The following MED16 variants were observed in gnomAD, a reference collection of about 807,000 sequenced individuals.
MED16 encodes mediator of RNA polymerase II transcription subunit 16.
A neutral mutation model predicts 84.4 loss-of-function variants in MED16; 81 were observed. The observed-to-expected ratio is 0.96, with a 90% CI of 0.80 to 1.15. MED16 has a LOEUF of 1.15. Ranked by LOEUF, MED16 falls within the 50% of genes most tolerant of loss-of-function variation. MED16 has a pLI of 0.00. For missense variants in MED16, 1,585 were observed against 1,245.9 expected, an observed-to-expected ratio of 1.27 and a Z score of -4.10; for synonymous variants, 897 against 552.2, an observed-to-expected ratio of 1.62 and a Z score of -8.76.
At chr19:869,009 G>A (rs958680993) in intron 13 of MED16, 63 bp from the exon 14 acceptor site, 8 of 1,416,606 alleles carry the variant, frequency 5.6e-6, no homozygotes, top group African/African-American at 2.9e-5. Context: ...TCCGGCAGGG[G>A]CATCTGTCCA....
chr19:879,076 AGCCC>A (rs1568326726), intron 8 of MED16, among the ~76,000 whole-genome samples: 9 of 40,734 alleles, frequency 2.2e-4, no homozygotes, highest in East Asian at 1.2e-3. Context: ...CCCCAGCCCC[AGCCC>A]CACGTGCCCC....
rs754450994 is a variant in MED16, at chr19:880,002, G to A, written c.1288C>T (p.His430Tyr). ...KRPRTAGPAV[H>Y]LKAMQLSWTS... ...CACGATAGCTGCATAGCCTTTAAGT[G>A]GACGGCGGGGCCCGCGGTGCGGGGG... The change falls in exon 8 of 16, where the codon CAC (histidine) becomes TAC (tyrosine). Residue 430 changes from histidine to tyrosine, a missense_variant. Transcript: ENST00000325464. The A allele has an allele frequency of 1.4e-5, 22 of 1,610,160 alleles. No homozygotes were observed. In the Middle Eastern group the frequency reaches 8.4e-4, roughly 61 times the overall value.
chr19:875,330 G>T lies in MED16; in HGVS notation c.1685C>A (p.Ser562Ter). Residue 562 changes from serine (S) to a stop codon, truncating the protein, a stop_gained, in exon 10 of 16, where the codon TCG becomes TAG. Coordinates refer to ENST00000325464, the MANE Select transcript of MED16 (RefSeq NM_005481.3). LOFTEE classifies it high-confidence loss of function. The stretch of plus-strand genomic sequence containing the variant: ...GTTGAGAAAGTGGGGGCGCAGCAGC[G>T]ACTTCAGGGTGGAGCTGATGGCGAT... The part of the protein sequence containing the change: ...FLIAISSTLK[S>*]LLRPHFLNTP... 1 of 1,610,662 alleles carries T rather than the reference G, an allele frequency of 6.2e-7. No individual in the cohort carries two copies. The highest frequency in any genetic ancestry group is 8.5e-7 in the Non-Finnish European group (1 of 1,179,840).
intron 4 of MED16, among the ~76,000 whole-genome samples, chr19:887,662 T>A (rs1271019355): frequency 1.3e-5 from 2 of 151,932 alleles, no homozygotes; most frequent in African/African-American, 4.8e-5. Context: ...CAAGACTCTG[T>A]CTCAAAAAAA....
rs574143789 is a variant in MED16, at chr19:885,626, C to T, written c.879+144G>A. The T allele has an allele frequency of 5.1e-6, 5 of 987,980 alleles. No individual in the cohort carries two copies. The South Asian group carries it at 8.3e-5, about 16-fold the overall frequency. The allele number at this position is 987,980 out of a possible 1,614,324, so 61.2% of individuals were successfully genotyped here. On this transcript the variant is annotated intron_variant, in intron 5 of 15. Transcript: ENST00000325464. The stretch of plus-strand genomic sequence containing the variant: ...TGGGAAAGGCAGAAAATGGGTTCTC[C>T]CCTGGAGCCCCCGGGAGGGACCGGC...
rs554608065 is a variant in MED16 at position 871,759 on chromosome 19, G to A, written c.2098+167C>T. On this transcript the variant is annotated intron_variant, in intron 12 of 15. Transcript: ENST00000325464. ...GGCAGGACTTGTGTTTTGGTAGGGA[G>A]AGGGGAGCGGGGAGAGGGGAGAGGG... 3.0e-4 allele frequency: 210 copies of A among 697,100 alleles called. 1 individual carries two copies. The highest frequency in any genetic ancestry group is 4.5e-4 in the Non-Finnish European group (189 of 421,370). The allele number at this position is 697,100 out of a possible 1,614,324, so 43.2% of individuals were successfully genotyped here.
intron 1 of MED16, chr19:892,881 A>AGCCCCGCGCCTCGC (rs1555719501): frequency 7.2e-6 from 1 of 137,948 alleles, no homozygotes; most frequent in East Asian, 2.4e-4. Flanking sequence ...CTGAGCCCCG[A>AGCCCCGCGCCTCGC]GCCCCGCGCC....
chr19:877,092 C>T lies in MED16; in HGVS notation c.1442G>A (p.Cys481Tyr), dbSNP rs781031377. Reference sequence around the variant, plus strand: ...CCACCAGTCGTAGCCGGTCACCATGCAGTACTCCAGCAGGAAGAGCAGGTG... The same window carrying T: ...CCACCAGTCGTAGCCGGTCACCATGTAGTACTCCAGCAGGAAGAGCAGGTG... ...LRHLLFLLEY[C>Y]MVTGYDWWDI... Residue 481 changes from cysteine (C) to tyrosine (Y), a missense_variant, in exon 9 of 16, where the codon TGC becomes TAC. Physicochemically the swap from Cys to Tyr is radical, Grantham distance 194. Coordinates refer to ENST00000325464, the MANE Select transcript of MED16 (RefSeq NM_005481.3). 1.2e-6 allele frequency: 2 copies of T among 1,612,690 alleles called. No individual in the cohort carries two copies. The highest frequency in any genetic ancestry group is 1.7e-6 in the Non-Finnish European group (2 of 1,179,904).
chr19:885,804 T>A lies in MED16; in HGVS notation c.845A>T (p.His282Leu), dbSNP rs1568331499. Residue 282 changes from histidine to leucine, a missense_variant, in exon 5 of 16, where the codon CAC becomes CTC. Physicochemically the swap from His to Leu is moderately conservative, Grantham distance 99 (BLOSUM62 -3). Transcript: ENST00000325464. ...NRKDKFPAIT[H>L]LKFLARDMSE... ...CATGTCCCGGGCCAGGAACTTGAGG[T>A]GGGTGATGGCGGGAAACTTGTCCTT... 1 of 1,612,198 alleles carries A rather than the reference T, an allele frequency of 6.2e-7. No homozygotes were observed. The highest frequency in any genetic ancestry group is 2.2e-5 in the East Asian group (1 of 44,854).
At chr19:880,839 C>G (rs960415381) in intron 7 of MED16, among the ~76,000 whole-genome samples, 2 of 151,584 alleles carry the variant, frequency 1.3e-5, no homozygotes, top group African/African-American at 2.4e-5. Context: ...GAAGGAGAAT[C>G]GCTTGAACCC....
At chr19:891,236 G>A (rs2036625614) in intron 1 of MED16, 87 bp from the exon 2 acceptor site, 1 of 1,323,454 alleles carries the variant, frequency 7.6e-7, no homozygotes, top group Non-Finnish European at 1.0e-6. Flanking sequence ...GAAAACAATG[G>A]AGGCCCGTGG....
chr19:889,250 G>A (rs982281450), intron 4 of MED16, among the ~76,000 whole-genome samples: 2 of 152,106 alleles, frequency 1.3e-5, no homozygotes, highest in Non-Finnish European at 2.9e-5. Context: ...CATAGAGAGG[G>A]GCTCTGGGAT....
rs370073131 is a variant in MED16, at chr19:871,050, C to G, written c.2302G>C (p.Asp768His). Residue 768 changes from aspartate (D) to histidine (H), a missense_variant, in exon 13 of 16, where the codon GAC becomes CAC. By Grantham distance (81) the Asp-to-His change is moderately conservative. Transcript: ENST00000325464. ...GGACACACGCACCTGGCGAGGCCGTCGAGCTGCAGGGTGGCAGCACTGCCA... is the reference window on the plus strand; with the variant it reads ...GGACACACGCACCTGGCGAGGCCGTGGAGCTGCAGGGTGGCAGCACTGCCA... ...LPGSAATLQL[D>H]GLARAPGQPK... The G allele has an allele frequency of 6.5e-7, 1 of 1,543,318 alleles. No individual in the cohort carries two copies. The highest frequency in any genetic ancestry group is 8.8e-7 in the Non-Finnish European group (1 of 1,142,502).
At chr19:876,936 C>T in intron 9 of MED16, 38 bp downstream of exon 9, 1 of 1,577,886 alleles carries the variant, frequency 6.3e-7, no homozygotes, top group Non-Finnish European at 8.6e-7. Context: ...CACAGGGCCC[C>T]CACCTGCCAC....
Position 881,753 on chromosome 19 carries a change from G to A in MED16, c.986-39C>T, listed in dbSNP as rs554212344. Reference sequence around the variant, plus strand: ...GGCAGGAAAACAGGAAGGCAATGGAGTAAAGACAGGCTGAGACAGCCGCAG... The same window carrying A: ...GGCAGGAAAACAGGAAGGCAATGGAATAAAGACAGGCTGAGACAGCCGCAG... On this transcript the variant is annotated intron_variant, in intron 6 of 15. Coordinates refer to ENST00000325464, the MANE Select transcript of MED16 (RefSeq NM_005481.3). 51 of 1,595,022 alleles carry A rather than the reference G, an allele frequency of 3.2e-5. 1 individual carries two copies. The South Asian group carries it at 5.4e-4, about 17-fold the overall frequency.
rs758978961 is a variant in MED16, at chr19:873,433, G to T, written c.1905+16C>A. The T allele has an allele frequency of 1.9e-6, 3 of 1,604,110 alleles. No homozygotes were observed. The highest frequency in any genetic ancestry group is 1.7e-5 in the Admixed American group (1 of 59,928). On this transcript the variant is annotated intron_variant, in intron 11 of 15. Transcript: ENST00000325464. Reference sequence around the variant, plus strand: ...CCCAGGTGGGGGGCGGGGCCTTAGGGGAGAGCATGGCGCACCTGGTTGGGT... The same window carrying T: ...CCCAGGTGGGGGGCGGGGCCTTAGGTGAGAGCATGGCGCACCTGGTTGGGT...
chr19:874,832 C>T (rs971308750), intron 10 of MED16, among the ~76,000 whole-genome samples: 2 of 151,916 alleles, frequency 1.3e-5, no homozygotes, highest in African/African-American at 4.8e-5. Context: ...ACTGCGTCAC[C>T]GTGCTGCAAC....
Position 879,987 on chromosome 19 carries a change from G to A in MED16, c.1303C>T (p.Gln435Ter), listed in dbSNP as rs1415905552. The change falls in exon 8 of 16, where the codon CAG becomes TAG. Residue 435 changes from glutamine (Q) to a stop codon, truncating the protein, a stop_gained. Coordinates refer to ENST00000325464, the MANE Select transcript of MED16 (RefSeq NM_005481.3). LOFTEE classifies it high-confidence loss of function. Reference sequence around the variant, plus strand: ...AGGGCCAGTGACGTCCACGATAGCTGCATAGCCTTTAAGTGGACGGCGGGG... The same window carrying A: ...AGGGCCAGTGACGTCCACGATAGCTACATAGCCTTTAAGTGGACGGCGGGG... Reference protein sequence around the residue: ...AGPAVHLKAMQLSWTSLALVG... With the variant: ...AGPAVHLKAM 3.7e-6 allele frequency: 6 copies of A among 1,609,420 alleles called. No individual in the cohort carries two copies. Among genetic ancestry groups the A allele is most frequent in the Non-Finnish European group, 5.1e-6 (6 of 1,178,424 alleles).
rs568781178 is a variant in MED16 at position 868,254 on chromosome 19, G to A, written c.2484-3C>T. The A allele has an allele frequency of 1.3e-5, 20 of 1,593,252 alleles. No homozygotes were observed. The African/African-American group carries it at 1.5e-4, about 12-fold the overall frequency. Reference sequence around the variant, plus strand: ...CCGGCCCACGGCCTTCAACAGCCCTGCAGGGCGGGCTGAGGTTAACCGCGC... The same window carrying A: ...CCGGCCCACGGCCTTCAACAGCCCTACAGGGCGGGCTGAGGTTAACCGCGC... On this transcript the variant is annotated splice_polypyrimidine_tract_variant and splice_region_variant and intron_variant, in intron 15 of 15. Transcript: ENST00000325464.
Sources: allele counts gnomAD v4.1 joint callset (sites outside exome capture counted in the v4.1 genomes callset), GRCh38; gene constraint gnomAD v4.1.1; transcripts MANE v1.5; gene names NCBI Gene and HGNC (gene_info 2026-07-23, HGNC 2026-07-21).